Variants in ZDHHC6 observed in about 807,000 individuals in gnomAD.
ZDHHC6 encodes the protein palmitoyltransferase ZDHHC6.
A neutral mutation model predicts 57.8 loss-of-function variants in ZDHHC6; 32 were observed. The observed-to-expected ratio is 0.55, with a 90% CI of 0.42 to 0.74. ZDHHC6 has a LOEUF of 0.74. Ranked by LOEUF, ZDHHC6 falls within the 30% of genes least tolerant of loss-of-function variation. The pLI is 0.00. For missense variants in ZDHHC6, 433 were observed against 500.7 expected (o/e 0.86, Z 1.29); for synonymous variants, 128 against 158.0 (o/e 0.81, Z 1.42).
At chr10:112,443,464 C>T (rs779093216) in intron 3 of ZDHHC6, 51 bp downstream of exon 3, 8 of 1,489,542 alleles carry the variant, frequency 5.4e-6, no homozygotes, top group Middle Eastern at 1.7e-4. Context: ...ACAATGAAAA[C>T]ATCAGTAATT....
chr10:112,434,863 G>A (rs1845374568), intron 6 of ZDHHC6, among the ~76,000 whole-genome samples: 1 of 152,180 alleles, frequency 6.6e-6, no homozygotes, highest in Non-Finnish European at 1.5e-5. Flanking sequence ...ATTCAGGATG[G>A]AACCGTTTTA....
At position 112,438,356 on chromosome 10, in the gene ZDHHC6, C is replaced by A; in HGVS notation, c.715G>T (p.Glu239Ter). Reference sequence around the variant, plus strand: ...TTTACCTTCTCTTCAATCCATGACTCAATAGAAGTTTTGTTTCTGAGAATT... The same window carrying A: ...TTTACCTTCTCTTCAATCCATGACTAAATAGAAGTTTTGTTTCTGAGAATT... ...KIILRNKTSI[E>*]SWIEEKAKDR... The change falls in exon 6 of 11, where the codon GAG (glutamate) becomes TAG (stop). Residue 239 changes from glutamate (E) to a stop codon, truncating the protein, a stop_gained. Coordinates refer to ENST00000369405, the MANE Select transcript of ZDHHC6 (RefSeq NM_022494.3). LOFTEE classifies it high-confidence loss of function. The A allele has an allele frequency of 2.2e-6, 3 of 1,371,312 alleles. No homozygotes were observed. Among genetic ancestry groups the A allele is most frequent in the East Asian group, 2.8e-5 (1 of 35,656 alleles). The allele number at this position is 1,371,312 out of a possible 1,614,324, so 84.9% of individuals were successfully genotyped here. A position where few individuals can be genotyped will look rare whatever the true frequency, so the allele number is the denominator to read the frequency against.
At chr10:112,437,194 C>T (rs1845627185) in intron 6 of ZDHHC6, among the ~76,000 whole-genome samples, 1 of 151,144 alleles carries the variant, frequency 6.6e-6, no homozygotes, top group African/African-American at 2.4e-5. Context: ...CTTTCCAATA[C>T]TTAAGGATTT....
Position 112,432,514 on chromosome 10 carries a change from T to C in ZDHHC6, c.953A>G (p.Tyr318Cys), listed in dbSNP as rs2133767880. The change falls in exon 9 of 11, where the codon TAT becomes TGT. Residue 318 changes from tyrosine to cysteine, a missense_variant. Tyr to Cys is a radical substitution (Grantham distance 194). Coordinates refer to ENST00000369405, the MANE Select transcript of ZDHHC6 (RefSeq NM_022494.3). ...ACCACTATAATCTTCTATTACTTTA[T>C]AGCGAACCTGTCGTCAGTGATCAGA... ...KADKRVRSVR[Y>C]KVIEDYSGAC... The C allele has an allele frequency of 1.2e-6, 2 of 1,613,262 alleles. No homozygotes were observed. The highest frequency in any genetic ancestry group is 1.7e-6 in the Non-Finnish European group (2 of 1,179,724).
exon 12 of ZDHHC6, chr10:112,424,716 C>G (rs1467676563): frequency 6.6e-6 from 1 of 152,242 alleles, no homozygotes. Context: ...GCCATTTGTC[C>G]CAATTCTACA....
intron 3 of ZDHHC6, 50 bp from the exon 4 acceptor site, chr10:112,442,401 T>G (rs1181933770): frequency 1.3e-6 from 2 of 1,556,788 alleles, no homozygotes; most frequent in Admixed American, 1.9e-5. Flanking sequence ...CCTGTCTACT[T>G]TAAATAACTT....
chr10:112,437,813 C>A (rs11195958), intron 6 of ZDHHC6, among the ~76,000 whole-genome samples: 10,630 of 152,216 alleles, frequency 0.07, 522 homozygotes, highest in Non-Finnish European at 0.089. Flanking sequence ...TGGGTTTCAA[C>A]CCCTGCCACA....
At chr10:112,435,714 T>G (rs977931907) in intron 6 of ZDHHC6, among the ~76,000 whole-genome samples, 1 of 152,240 alleles carries the variant, frequency 6.6e-6, no homozygotes, top group African/African-American at 2.4e-5. Flanking sequence ...TAATTTCATT[T>G]TCTTTTTTAT....
At chr10:112,438,191 C>T (rs942480170) in intron 6 of ZDHHC6, 145 bp downstream of exon 6, 9 of 486,334 alleles carry the variant, frequency 1.9e-5, no homozygotes, top group South Asian at 8.3e-5. Context: ...AAATGACTTA[C>T]GGTAGCCATT....
chr10:112,434,201 T>G, intron 7 of ZDHHC6, 96 bp downstream of exon 7: 1 of 1,225,358 alleles, frequency 8.2e-7, no homozygotes, highest in South Asian at 1.8e-5. Flanking sequence ...ACATTCATAT[T>G]ACTTATTTTA....
chr10:112,440,577 G>A lies in ZDHHC6; in HGVS notation c.638C>T (p.Ala213Val), dbSNP rs571800970. ...FATTLFALGL[A>V]LGTTIAVGML... ...CCCAACAGCTATGGTTGTTCCTAAA[G>A]CTAATCCCAAGGCAAACAAGGTGGT... Residue 213 changes from alanine to valine, a missense_variant, in exon 5 of 11, where the codon GCT becomes GTT. Transcript: ENST00000369405. 1.7e-5 allele frequency: 28 copies of A among 1,613,874 alleles called. No homozygotes were observed. Among genetic ancestry groups the A allele is most frequent in the Non-Finnish European group, 2.3e-5 (27 of 1,179,932 alleles).
chr10:112,426,488 G>C (rs1004831081), downstream of ZDHHC6: 1 of 728,694 alleles, frequency 1.4e-6, no homozygotes, highest in Non-Finnish European at 2.3e-6. Context: ...TATGGGACTC[G>C]GGGATAGGAT....
At position 112,432,301 on chromosome 10, in the gene ZDHHC6, A is replaced by G. The variant is rs756480684; in HGVS notation, c.1092-15T>C. ...ATAACCAGTATCTGAAATATTTAAA[A>G]GATGAAAATTAATTTTTTAGGCTAG... On this transcript the variant is annotated splice_polypyrimidine_tract_variant and intron_variant, in intron 9 of 10. Coordinates refer to ENST00000369405, the MANE Select transcript of ZDHHC6 (RefSeq NM_022494.3). The G allele has an allele frequency of 1.3e-5, 21 of 1,607,718 alleles. No homozygotes were observed. Among genetic ancestry groups the G allele is most frequent in the Non-Finnish European group, 1.8e-5 (21 of 1,178,312 alleles).
At chr10:112,428,805 C>T (rs1346959818), downstream of ZDHHC6, among the ~76,000 whole-genome samples, 1 of 151,860 alleles carries the variant, frequency 6.6e-6, no homozygotes, top group Non-Finnish European at 1.5e-5. Flanking sequence ...AAAAAAACCA[C>T]TAATGCCTGG....
At chr10:112,438,140 GA>G (rs1176264145) in intron 6 of ZDHHC6, among the ~76,000 whole-genome samples, 195 bp downstream of exon 6, 1 of 152,146 alleles carries the variant, frequency 6.6e-6, no homozygotes, top group African/African-American at 2.4e-5. Context: ...GTTACAGAAT[GA>G]ACAAAAATGT....
intron 4 of ZDHHC6, among the ~76,000 whole-genome samples, 172 bp downstream of exon 4, chr10:112,442,019 AT>A (rs1184484509): frequency 6.6e-6 from 1 of 152,248 alleles, no homozygotes; most frequent in African/African-American, 2.4e-5. Flanking sequence ...TCATCTTAAA[AT>A]TTAAGTTTTA....
At chr10:112,428,562 G>C (rs993229748), downstream of ZDHHC6, 7 of 390,016 alleles carry the variant, frequency 1.8e-5, no homozygotes, top group Admixed American at 4.5e-5. Flanking sequence ...ATGAGGTCAG[G>C]AGACCGAGAA....
Position 112,430,824 on chromosome 10 carries a change from C to G in ZDHHC6, c.1222G>C (p.Gly408Arg), listed in dbSNP as rs760055505. ...AGCAGCTATCTATTTTTCTTCTCCC[C>G]CTCTGGGGCTTGATCTGTTTCAGCA... ...CDAETDQAPE[G>R]EKKNR The change falls in exon 11 of 11, where the codon GGG becomes CGG. Residue 408 changes from glycine (G) to arginine (R), a missense_variant. Gly to Arg is a moderately radical substitution (Grantham distance 125). Coordinates refer to ENST00000369405, the MANE Select transcript of ZDHHC6 (RefSeq NM_022494.3). 8.1e-6 allele frequency: 13 copies of G among 1,612,866 alleles called. No homozygotes were observed. The East Asian group carries it at 8.9e-5, about 11-fold the overall frequency.
downstream of ZDHHC6, chr10:112,426,737 C>A: frequency 6.5e-7 from 1 of 1,549,084 alleles, no homozygotes; most frequent in Non-Finnish European, 8.9e-7. Context: ...ATGCTTAGCC[C>A]TTCAGGCTTT....
Sources: allele counts gnomAD v4.1 joint callset (sites outside exome capture counted in the v4.1 genomes callset), GRCh38; gene constraint gnomAD v4.1.1; transcripts MANE v1.5; gene names NCBI Gene and HGNC (gene_info 2026-07-23, HGNC 2026-07-21).